The following STRA6 variants were observed in gnomAD, a reference collection of about 807,000 sequenced individuals.
STRA6 encodes the protein receptor for retinol uptake STRA6.
A neutral mutation model predicts 83.6 loss-of-function variants in STRA6; 48 were observed. That is an observed-to-expected ratio of 0.57 (90% confidence interval 0.46 to 0.73). The LOEUF (loss-of-function observed/expected upper bound fraction) is 0.73, where lower values mean the gene tolerates loss of function less well. Among genes scored for constraint, STRA6 ranks in the 30% least tolerant of loss-of-function variants. The probability of loss-of-function intolerance (pLI) is 0.00; values close to 1 mark genes in which losing one functional copy is unlikely to be tolerated. For synonymous variants in STRA6, 353 were observed against 362.3 expected (o/e 0.97, Z 0.29); for missense variants, 760 against 838.8 (o/e 0.91, Z 1.16).
rs754523395 is a variant in STRA6 at position 74,183,912 on chromosome 15, T to C, written c.1244A>G (p.Gln415Arg). ...PLHRSPHPSR[Q>R]AIFCWMSFSA... is the part of the protein sequence containing the mutation. ...GAAGCTCATCCAACAGAATATGGCT[T>C]GGCGGGAGGGATGGGGACTCCGATG... The change falls in exon 14 of 19, where the codon CAA becomes CGA. Residue 415 changes from glutamine to arginine, a missense_variant. Gln to Arg is a conservative substitution (Grantham distance 43, BLOSUM62 1). Transcript: ENST00000395105. 24 of 1,613,878 alleles carry C rather than the reference T, an allele frequency of 1.5e-5. No individual in the cohort carries two copies. The highest frequency in any genetic ancestry group is 2.0e-5 in the Non-Finnish European group (24 of 1,180,008).
chr15:74,189,318 G>A (rs1567185312), intron 11 of STRA6, 41 bp from the exon 12 acceptor site: 6 of 1,559,724 alleles, frequency 3.8e-6, no homozygotes, highest in Non-Finnish European at 5.2e-6. Context: ...CCAGGAAAGG[G>A]TTTTCTGTGC....
intron 12 of STRA6, 25 bp downstream of exon 12, chr15:74,189,090 C>T (rs777887425): frequency 1.5e-5 from 24 of 1,613,398 alleles, no homozygotes; most frequent in Non-Finnish European, 1.6e-5. Flanking sequence ...CACTGCAGCC[C>T]TCAGGGGCTC....
At chr15:74,196,677 C>A (rs2073836127) in intron 4 of STRA6, among the ~76,000 whole-genome samples, 2 of 152,252 alleles carry the variant, frequency 1.3e-5, no homozygotes, top group South Asian at 2.1e-4. Context: ...CCAGCCAGGG[C>A]AAGCTCTTTC....
intron 2 of STRA6, among the ~76,000 whole-genome samples, chr15:74,199,247 G>C (rs905525091): frequency 6.6e-6 from 1 of 152,240 alleles, no homozygotes; most frequent in African/African-American, 2.4e-5. Flanking sequence ...GGGTCAGCTC[G>C]GTCTGTCCTG....
chr15:74,192,317 C>G (rs1459561758), intron 8 of STRA6, among the ~76,000 whole-genome samples: 1 of 152,122 alleles, frequency 6.6e-6, no homozygotes, highest in African/African-American at 2.4e-5. Context: ...CTTTTCAGAG[C>G]CAGCTGTAAA....
At chr15:74,209,243 C>A, upstream of STRA6, 8 of 1,154,908 alleles carry the variant, frequency 6.9e-6, no homozygotes, top group Non-Finnish European at 9.9e-6. Flanking sequence ...ACCGTTTGCT[C>A]GAAACTTGAT....
At chr15:74,202,065 G>A in intron 2 of STRA6, 90 bp downstream of exon 2, 2 of 1,346,234 alleles carry the variant, frequency 1.5e-6, no homozygotes, top group Middle Eastern at 2.0e-4. Flanking sequence ...AGCAGCCCCT[G>A]CCCAGGAGCT....
chr15:74,194,780 C>G lies in STRA6; in HGVS notation c.597+522G>C, dbSNP rs148423931. 3.1e-6 allele frequency: 4 copies of G among 1,275,432 alleles called. No individual in the cohort carries two copies. The East Asian group carries it at 1.2e-4, about 37-fold the overall frequency. 79.0% of individuals were successfully genotyped at this position (1,275,432 alleles called of 1,614,324 possible). ...ATGAAGTGGTGAAGCTGGATTCACA[C>G]TCAGGTTGTCTGGCTCTAAAGCCTG... is the stretch of plus-strand genomic sequence containing the variant. On this transcript the variant is annotated intron_variant, in intron 7 of 18. Coordinates refer to ENST00000395105, the MANE Select transcript of STRA6 (RefSeq NM_022369.4).
upstream of STRA6, among the ~76,000 whole-genome samples, chr15:74,206,001 G>A (rs558881053): frequency 7.2e-5 from 11 of 152,306 alleles, no homozygotes; most frequent in East Asian, 1.2e-3. Context: ...CCACCTAGCC[G>A]GATTTGAACC....
chr15:74,208,804 A>G (rs911842680), exon 1 of STRA6: 76 of 988,352 alleles, frequency 7.7e-5, no homozygotes, highest in Admixed American at 1.2e-4. Flanking sequence ...GCCTACCTCC[A>G]ATCAAGCGCT....
chr15:74,202,865 C>A (rs952690982), upstream of STRA6: 7 of 1,026,578 alleles, frequency 6.8e-6, no homozygotes, highest in African/African-American at 1.0e-4. Context: ...CTTTGGGCCT[C>A]GGTGATGGAA....
chr15:74,185,561 A>C (rs351236), intron 12 of STRA6, among the ~76,000 whole-genome samples: 144,705 of 152,294 alleles, frequency 0.95, 69,192 homozygotes, highest in East Asian at 1. Flanking sequence ...ATCGGTGTGG[A>C]CTGAGTCCAT....
chr15:74,203,606 A>T (rs911382216), upstream of STRA6, among the ~76,000 whole-genome samples: 2 of 152,232 alleles, frequency 1.3e-5, no homozygotes, highest in African/African-American at 4.8e-5. Flanking sequence ...TTAAGAAGAC[A>T]TTATTCATTT....
chr15:74,202,057 C>G (rs2074094050), intron 2 of STRA6, 98 bp downstream of exon 2: 1 of 1,324,320 alleles, frequency 7.6e-7, no homozygotes, highest in South Asian at 2.5e-5. Context: ...CCAGACCTAG[C>G]AGCCCCTGCC....
rs147428518 is a variant in STRA6, at chr15:74,196,048, G to A, written c.366C>T (p.Asp122=). The A allele has an allele frequency of 1.3e-4, 207 of 1,614,016 alleles. 1 individual carries two copies. The highest frequency in any genetic ancestry group is 5.0e-4 in the Middle Eastern group (3 of 6,060). Residue 122 remains aspartate, a synonymous_variant, in exon 5 of 19, where the codon GAC becomes GAT. Coordinates refer to ENST00000395105, the MANE Select transcript of STRA6 (RefSeq NM_022369.4). Reference sequence around the variant, plus strand: ...AGGCGAGAGTCAGGAAGGGCAATGCGTCCTCGTCGGGGAGCAGCAAACACA... The same window carrying A: ...AGGCGAGAGTCAGGAAGGGCAATGCATCCTCGTCGGGGAGCAGCAAACACA... The part of the protein sequence containing the change: ...SSLCLLLPDE[D]ALPFLTLASA...
At position 74,188,701 on chromosome 15, in the gene STRA6, GAA is replaced by G. The variant is rs2073380203; in HGVS notation, c.1090+412_1090+413del. On this transcript the variant is annotated intron_variant, in intron 12 of 18. Transcript: ENST00000395105. This position sits in a 1 kb window ranked among gnomAD's most constrained non-coding sequence, Gnocchi z 4.5. ...CCCAAAAGACAGGGAGTGGGGAAGA[GAA>G]AGCCTGTGCCCTGCCCAACGCCAGA... is the stretch of plus-strand genomic sequence containing the variant. Among the ~76,000 whole-genome samples, 1 of 152,210 alleles carries G rather than the reference GAA, an allele frequency of 6.6e-6. No homozygotes were observed. The highest frequency in any genetic ancestry group is 1.5e-5 in the Non-Finnish European group (1 of 68,032).
chr15:74,182,828 C>T (rs2073060785), intron 14 of STRA6: 1 of 301,454 alleles, frequency 3.3e-6, no homozygotes, highest in Admixed American at 4.6e-5. Context: ...TTCCTTCAAG[C>T]CAGAGCCTGG....
intron 4 of STRA6, 172 bp from the exon 5 acceptor site, chr15:74,196,319 C>A: frequency 9.2e-7 from 1 of 1,084,532 alleles, no homozygotes; most frequent in Non-Finnish European, 1.3e-6. Context: ...TGCCTCTTAT[C>A]TACCAAGCTC....
rs773135445 is a variant in STRA6, at chr15:74,182,452, C to T, written c.1309G>A (p.Val437Met). 1 of 1,609,028 alleles carries T rather than the reference C, an allele frequency of 6.2e-7. No homozygotes were observed. Among genetic ancestry groups the T allele is most frequent in the East Asian group, 2.2e-5 (1 of 44,712 alleles). The change falls in exon 15 of 19, where the codon GTG (valine) becomes ATG (methionine). Residue 437 changes from valine to methionine, a missense_variant. Coordinates refer to ENST00000395105, the MANE Select transcript of STRA6 (RefSeq NM_022369.4). ...CCCAGGAAGAAGATGATCTGCTGCA[C>T]CAGGAGCCCTGCCAGGGGCGGGAGT... ...QTAFICLGLLVQQIIFFLGTT... is the reference protein window; with the variant it reads ...QTAFICLGLLMQQIIFFLGTT...
Sources: allele counts gnomAD v4.1 joint callset (sites outside exome capture counted in the v4.1 genomes callset), GRCh38; gene constraint gnomAD v4.1.1; non-coding constraint Gnocchi (gnomAD v3.1); transcripts MANE v1.5; gene names NCBI Gene and HGNC (gene_info 2026-07-23, HGNC 2026-07-21).